Variants in PRKD1 observed in about 807,000 individuals in gnomAD.
PRKD1 encodes the protein serine/threonine-protein kinase D1.
In PRKD1, 63 loss-of-function variants were observed where a neutral mutation model predicts 95.9. The observed-to-expected ratio is 0.66, with a 90% CI of 0.54 to 0.81. The LOEUF (loss-of-function observed/expected upper bound fraction) is 0.81, where lower values mean the gene tolerates loss of function less well. Among genes scored for constraint, PRKD1 ranks in the 30% least tolerant of loss-of-function variants. The pLI is 0.00. For synonymous variants in PRKD1, 425 were observed against 423.1 expected (o/e 1.00, Z -0.05); for missense variants, 1,048 against 1,165.3 (o/e 0.90, Z 1.47).
At position 29,667,139 on chromosome 14, in the gene PRKD1, G is replaced by T. The variant is rs184107708; in HGVS notation, c.404-931C>A. Among the ~76,000 whole-genome samples the T allele has an allele frequency of 2.0e-3, 312 of 152,244 alleles. 1 individual carries two copies. Among genetic ancestry groups the T allele is most frequent in the Middle Eastern group, 6.8e-3 (2 of 294 alleles). ...AGACCTATGTGCACACAGTAAGCCTGAGGTTGCGGCTGCACAATATAGCAC... is the reference window on the plus strand; with the variant it reads ...AGACCTATGTGCACACAGTAAGCCTTAGGTTGCGGCTGCACAATATAGCAC... On this transcript the variant is annotated intron_variant, in intron 2 of 17. Transcript: ENST00000331968.
chr14:29,594,019 C>G, intron 16 of PRKD1: 2 of 392,806 alleles, frequency 5.1e-6, no homozygotes, highest in South Asian at 3.8e-5. Flanking sequence ...AGTCTAAGCC[C>G]TTGATTTCAA....
At chr14:29,926,874 T>C (rs1038738029) in intron 1 of PRKD1, among the ~76,000 whole-genome samples, 3 of 151,910 alleles carry the variant, frequency 2.0e-5, no homozygotes, top group Admixed American at 6.5e-5. Flanking sequence ...GCACCAGGAA[T>C]GCGCTGGTCC....
chr14:29,643,682 T>C (rs1432041621), intron 4 of PRKD1, among the ~76,000 whole-genome samples: 3 of 152,198 alleles, frequency 2.0e-5, no homozygotes, highest in Non-Finnish European at 2.9e-5. Flanking sequence ...TATATTCCAC[T>C]TAGCAGTTCA....
chr14:29,885,124 T>TAA (rs1220944588), intron 1 of PRKD1, among the ~76,000 whole-genome samples: 3,085 of 131,026 alleles, frequency 0.024, 49 homozygotes, highest in Middle Eastern at 0.037. Flanking sequence ...CTCCATCTTT[T>TAA]AAAAAAAAAA....
At chr14:29,598,935 T>G in intron 15 of PRKD1, 92 bp downstream of exon 15, 1 of 1,087,408 alleles carries the variant, frequency 9.2e-7, no homozygotes, top group South Asian at 1.4e-5. Context: ...CAAATAAAGG[T>G]TTTAAGGGAA....
intron 1 of PRKD1, among the ~76,000 whole-genome samples, chr14:29,789,827 C>A (rs1042289787): frequency 6.6e-6 from 1 of 152,072 alleles, no homozygotes; most frequent in Non-Finnish European, 1.5e-5. Flanking sequence ...ACCCAAATGA[C>A]ACATGAGTGT....
chr14:29,899,608 C>T (rs1894251569), intron 1 of PRKD1, among the ~76,000 whole-genome samples: 1 of 152,140 alleles, frequency 6.6e-6, no homozygotes, highest in Non-Finnish European at 1.5e-5. Flanking sequence ...AATCACGCCA[C>T]TGCACTCCAT....
At chr14:29,684,198 T>C (rs1594425579) in intron 2 of PRKD1, among the ~76,000 whole-genome samples, 3 of 150,050 alleles carry the variant, frequency 2.0e-5, no homozygotes, top group East Asian at 2.0e-4. Flanking sequence ...TCGCCCAGGC[T>C]GGAGTGAAGT....
chr14:29,595,787 T>C (rs1317021604), intron 16 of PRKD1, among the ~76,000 whole-genome samples: 2 of 152,112 alleles, frequency 1.3e-5, no homozygotes, highest in Non-Finnish European at 2.9e-5. Context: ...CAGGAAAGTG[T>C]TTGATTGGCT....
intron 16 of PRKD1, among the ~76,000 whole-genome samples, chr14:29,591,463 G>A (rs895023852): frequency 7.9e-5 from 12 of 152,086 alleles, no homozygotes; most frequent in African/African-American, 2.4e-4. Context: ...CCAGAGCAGC[G>A]GTTTTGAAAG....
intron 1 of PRKD1, among the ~76,000 whole-genome samples, chr14:29,815,687 A>G (rs967341603): frequency 2.6e-5 from 4 of 152,338 alleles, no homozygotes; most frequent in South Asian, 2.1e-4. Context: ...ATATACTTTA[A>G]AAGTCTAAGT....
At chr14:29,794,410 T>C (rs1418075412) in intron 1 of PRKD1, among the ~76,000 whole-genome samples, 1 of 151,860 alleles carries the variant, frequency 6.6e-6, no homozygotes, top group East Asian at 1.9e-4. Context: ...TTTGAGGGGG[T>C]GGCAATTCCT....
chr14:29,731,346 G>A (rs1244424959), intron 1 of PRKD1, among the ~76,000 whole-genome samples: 3 of 152,052 alleles, frequency 2.0e-5, no homozygotes, highest in Non-Finnish European at 4.4e-5. Context: ...TTCCTAAGAC[G>A]TTTTATGGCC....
intron 2 of PRKD1, among the ~76,000 whole-genome samples, chr14:29,712,498 C>A (rs952991673): frequency 6.6e-6 from 1 of 152,096 alleles, no homozygotes; most frequent in South Asian, 2.1e-4. Flanking sequence ...AGAGCTGATT[C>A]AAATCCCAAT....
chr14:29,641,047 T>C (rs1456678440), intron 4 of PRKD1, among the ~76,000 whole-genome samples: 2 of 151,740 alleles, frequency 1.3e-5, no homozygotes, highest in African/African-American at 4.9e-5. Context: ...ATTTCATTTA[T>C]TACCTTCAAG....
chr14:29,600,489 C>T (rs779011301), intron 13 of PRKD1, among the ~76,000 whole-genome samples: 2 of 152,090 alleles, frequency 1.3e-5, no homozygotes, highest in African/African-American at 2.4e-5. Flanking sequence ...GGATATTTTT[C>T]GATAAGTACA....
chr14:29,914,777 C>CTTTTCTT (rs562742263), intron 1 of PRKD1, among the ~76,000 whole-genome samples: 3 of 144,332 alleles, frequency 2.1e-5, no homozygotes, highest in African/African-American at 5.0e-5. Flanking sequence ...CTTTTCTTTT[C>CTTTTCTT]TTTTTTTTTT....
intron 2 of PRKD1, among the ~76,000 whole-genome samples, chr14:29,675,412 C>T (rs1883098187): frequency 6.6e-6 from 1 of 152,196 alleles, no homozygotes; most frequent in African/African-American, 2.4e-5. Flanking sequence ...CTTCCCCATC[C>T]CCATTCTTCT....
intron 2 of PRKD1, among the ~76,000 whole-genome samples, chr14:29,722,137 T>C (rs1885930342): frequency 6.6e-6 from 1 of 152,196 alleles, no homozygotes; most frequent in Non-Finnish European, 1.5e-5. Flanking sequence ...TTCCTGCTGG[T>C]AGATTGTTAG....
Sources: gnomAD v4.1 joint callset for allele counts (sites outside exome capture counted in the v4.1 genomes callset) on GRCh38, gnomAD v4.1.1 for gene constraint, MANE v1.5 for transcripts, NCBI Gene and HGNC (gene_info 2026-07-23, HGNC 2026-07-21) for gene names.